The following RSPH9 variants were observed in gnomAD, a reference collection of about 807,000 sequenced individuals.
The protein encoded by RSPH9 is radial spoke head protein 9 homolog.
Under a neutral mutation model 27.0 loss-of-function variants are expected in RSPH9, and 27 were observed. The observed-to-expected ratio is 1.00, with a 90% CI of 0.74 to 1.38. RSPH9 has a LOEUF of 1.38. RSPH9 is among the 40% of genes most tolerant of loss of function. The pLI is 0.00. For missense variants in RSPH9, 347 were observed against 357.4 expected, an observed-to-expected ratio of 0.97 and a Z score of 0.24; for synonymous variants, 145 against 147.7, an observed-to-expected ratio of 0.98 and a Z score of 0.13.
At chr6:43,667,479 G>A (rs912734295) in intron 4 of RSPH9, among the ~76,000 whole-genome samples, 3 of 152,212 alleles carry the variant, frequency 2.0e-5, no homozygotes, top group African/African-American at 7.2e-5. Context: ...GGTGGTTGAG[G>A]ACCGGGAAGG....
At chr6:43,655,418 C>T (rs972211151) in intron 2 of RSPH9, 144 bp from the exon 3 acceptor site, 9 of 813,908 alleles carry the variant, frequency 1.1e-5, no homozygotes, top group African/African-American at 1.0e-4. Context: ...GGAAGGAAGG[C>T]GAGGGCCTGC....
intron 4 of RSPH9, among the ~76,000 whole-genome samples, chr6:43,669,049 G>A (rs1184572693): frequency 2.0e-5 from 3 of 152,198 alleles, no homozygotes; most frequent in African/African-American, 7.2e-5. Flanking sequence ...AAACTCTGAG[G>A]GCAGGTCTGA....
chr6:43,652,730 G>GT (rs60114676), intron 2 of RSPH9, among the ~76,000 whole-genome samples: 38,712 of 126,678 alleles, frequency 0.31, 5,939 homozygotes, highest in East Asian at 0.57. Flanking sequence ...CCAACTTCCG[G>GT]TTTTTTTTTT....
At chr6:43,662,468 G>A (rs1338491154) in intron 4 of RSPH9, among the ~76,000 whole-genome samples, 1 of 151,366 alleles carries the variant, frequency 6.6e-6, no homozygotes, top group Non-Finnish European at 1.5e-5. Flanking sequence ...CCAGGTTCAC[G>A]CCATTCTCCT....
At chr6:43,657,694 G>A (rs1230056471) in intron 4 of RSPH9, among the ~76,000 whole-genome samples, 1 of 152,196 alleles carries the variant, frequency 6.6e-6, no homozygotes, top group Non-Finnish European at 1.5e-5. Context: ...GAATCAGACA[G>A]GCTGGGTTGG....
Position 43,670,841 on chromosome 6 carries a change from C to A in RSPH9, c.723C>A (p.Ser241Arg), listed in dbSNP as rs768848964. Residue 241 changes from serine (S) to arginine (R), a missense_variant, in exon 5 of 5, where the codon AGC becomes AGA. By Grantham distance (110) the Ser-to-Arg change is moderately radical. Transcript: ENST00000372163. ...ERGNALVVLR[S>R]LLWPGLTFYH... Reference sequence around the variant, plus strand: ...GCAATGCCCTGGTGGTGCTGCGCAGCCTGCTCTGGCCGGGCCTCACCTTCT... The same window carrying A: ...GCAATGCCCTGGTGGTGCTGCGCAGACTGCTCTGGCCGGGCCTCACCTTCT... 6.2e-7 allele frequency: 1 copy of A among 1,614,230 alleles called. No individual in the cohort carries two copies. The highest frequency in any genetic ancestry group is 2.2e-5 in the East Asian group (1 of 44,876).
At chr6:43,655,066 C>T (rs1275727052) in intron 2 of RSPH9, among the ~76,000 whole-genome samples, 1 of 151,978 alleles carries the variant, frequency 6.6e-6, no homozygotes, top group East Asian at 1.9e-4. Context: ...AGAAAGTATA[C>T]CAATATGTTA....
chr6:43,664,998 G>C (rs1186446870), intron 4 of RSPH9, among the ~76,000 whole-genome samples: 1 of 152,218 alleles, frequency 6.6e-6, no homozygotes, highest in African/African-American at 2.4e-5. Flanking sequence ...CCCTGATTCA[G>C]GGTGTGTCTG....
chr6:43,666,153 C>T (rs550080745), intron 4 of RSPH9, among the ~76,000 whole-genome samples: 4 of 152,130 alleles, frequency 2.6e-5, no homozygotes, highest in East Asian at 3.9e-4. Flanking sequence ...CACGATGGTT[C>T]GATGAGGGTC....
At chr6:43,660,196 C>T (rs745875495) in intron 4 of RSPH9, among the ~76,000 whole-genome samples, 60 of 151,696 alleles carry the variant, frequency 4.0e-4, no homozygotes, top group Middle Eastern at 3.2e-3. Context: ...GCATGCGCCA[C>T]GATGCCTGGC....
At position 43,670,955 on chromosome 6, in the gene RSPH9, G is replaced by C; in HGVS notation, c.*6G>C. On this transcript the variant is annotated 3_prime_UTR_variant, in exon 5 of 5. Coordinates refer to ENST00000372163, the MANE Select transcript of RSPH9 (RefSeq NM_152732.5). Reference sequence around the variant, plus strand: ...ACTTGCCCTTCATGCTATAGAATGGGAGCCAGCCTGGATGTTTTTAAACAG... The same window carrying C: ...ACTTGCCCTTCATGCTATAGAATGGCAGCCAGCCTGGATGTTTTTAAACAG... 6.2e-7 allele frequency: 1 copy of C among 1,614,130 alleles called. No homozygotes were observed. The highest frequency in any genetic ancestry group is 1.6e-4 in the Middle Eastern group (1 of 6,062).
intron 2 of RSPH9, among the ~76,000 whole-genome samples, chr6:43,652,092 G>T (rs544505300): frequency 6.6e-6 from 1 of 151,406 alleles, no homozygotes; most frequent in Non-Finnish European, 1.5e-5. Flanking sequence ...GGATCACGAC[G>T]TCAGGAGATT....
At chr6:43,663,936 C>T (rs111717844) in intron 4 of RSPH9, among the ~76,000 whole-genome samples, 28,452 of 149,868 alleles carry the variant, frequency 0.19, 6,263 homozygotes, top group African/African-American at 0.54. Context: ...GGCTGAGACA[C>T]GAGAATCACT....
intron 4 of RSPH9, among the ~76,000 whole-genome samples, chr6:43,664,220 G>T (rs56303108): frequency 0.024 from 3,621 of 152,032 alleles, 152 homozygotes; most frequent in African/African-American, 0.082. Context: ...TGATGATGAT[G>T]ATGATGATTA....
intron 4 of RSPH9, 75 bp from the exon 5 acceptor site, chr6:43,670,714 C>A: frequency 7.0e-7 from 1 of 1,425,776 alleles, no homozygotes. Flanking sequence ...CCCAAGGAGC[C>A]AGGGGCCACA....
intron 1 of RSPH9, among the ~76,000 whole-genome samples, chr6:43,646,017 C>T (rs1308137415): frequency 6.6e-6 from 1 of 152,146 alleles, no homozygotes; most frequent in African/African-American, 2.4e-5. Flanking sequence ...TGCAGTGTCG[C>T]TATCTTGGTT....
intron 4 of RSPH9, among the ~76,000 whole-genome samples, chr6:43,659,687 T>C (rs1772412190): frequency 6.6e-6 from 1 of 151,942 alleles, no homozygotes; most frequent in Non-Finnish European, 1.5e-5. Context: ...CGGCCCATGT[T>C]CGGCTAATTT....
At chr6:43,659,170 A>G (rs538116417) in intron 4 of RSPH9, among the ~76,000 whole-genome samples, 31 of 151,834 alleles carry the variant, frequency 2.0e-4, no homozygotes, top group Admixed American at 5.9e-4. Flanking sequence ...ACACTTCTGA[A>G]TTCTAGTTCT....
At chr6:43,652,678 G>A (rs1207354917) in intron 2 of RSPH9, among the ~76,000 whole-genome samples, 8 of 150,316 alleles carry the variant, frequency 5.3e-5, no homozygotes, top group Admixed American at 2.6e-4. Flanking sequence ...CGCCCGCCTC[G>A]GCCTCCCAAA....
Sources: allele counts gnomAD v4.1 joint callset (sites outside exome capture counted in the v4.1 genomes callset), GRCh38; gene constraint gnomAD v4.1.1; transcripts MANE v1.5; gene names NCBI Gene and HGNC (gene_info 2026-07-23, HGNC 2026-07-21).